Variants in KIF5C observed in about 807,000 individuals in gnomAD.
KIF5C encodes the protein kinesin family member 5C.
A neutral mutation model predicts 125.2 loss-of-function variants in KIF5C; 18 were observed. The observed-to-expected ratio is 0.14, with a 90% CI of 0.10 to 0.21. The LOEUF is 0.21. Ranked by LOEUF, KIF5C falls within the 10% of genes least tolerant of loss-of-function variation. The pLI, the probability that KIF5C is intolerant of heterozygous loss-of-function variation, is 1.00. For missense variants in KIF5C, 780 were observed against 1,183.8 expected (o/e 0.66, Z 5.01); for synonymous variants, 405 against 434.0 (o/e 0.93, Z 0.83).
intron 12 of KIF5C, 148 bp from the exon 13 acceptor site, chr2:148,978,774 C>A: frequency 8.8e-7 from 1 of 1,133,090 alleles, no homozygotes; most frequent in Non-Finnish European, 1.2e-6. Context: ...TGAATGAGAT[C>A]TCGGAATCTG....
At chr2:148,910,033 G>T (rs1177830353) in intron 1 of KIF5C, among the ~76,000 whole-genome samples, 1 of 152,128 alleles carries the variant, frequency 6.6e-6, no homozygotes, top group East Asian at 1.9e-4. Flanking sequence ...TTTAATTTTG[G>T]AGTAAAATTT....
At chr2:149,007,254 G>A (rs1682036654) in intron 22 of KIF5C, among the ~76,000 whole-genome samples, 1 of 152,132 alleles carries the variant, frequency 6.6e-6, no homozygotes, top group Non-Finnish European at 1.5e-5. Flanking sequence ...TGAGAAAAAG[G>A]ATGATGATCT....
intron 1 of KIF5C, among the ~76,000 whole-genome samples, chr2:148,920,213 G>A (rs1334761667): frequency 6.6e-6 from 1 of 152,096 alleles, no homozygotes; most frequent in African/African-American, 2.4e-5. Flanking sequence ...CTTTACTTTG[G>A]TGATTCTCAT....
chr2:148,953,878 A>G (rs1682728070), intron 10 of KIF5C, among the ~76,000 whole-genome samples: 1 of 152,066 alleles, frequency 6.6e-6, no homozygotes, highest in Admixed American at 6.6e-5. Context: ...GTCTATTTCT[A>G]TTTTTGTTTT....
chr2:148,945,922 G>C (rs1325461548), intron 7 of KIF5C, among the ~76,000 whole-genome samples: 18 of 152,168 alleles, frequency 1.2e-4, no homozygotes, highest in Admixed American at 1.2e-3. Context: ...AATACTGACA[G>C]CTTAATGATA....
At chr2:148,948,964 A>G (rs886338606) in intron 8 of KIF5C, among the ~76,000 whole-genome samples, 20 of 152,180 alleles carry the variant, frequency 1.3e-4, no homozygotes, top group Non-Finnish European at 2.5e-4. Flanking sequence ...CTCCCCCTGG[A>G]CATGAATTCA....
intron 1 of KIF5C, chr2:148,886,148 C>A (rs1681519741): frequency 6.6e-6 from 1 of 152,206 alleles, no homozygotes; most frequent in African/African-American, 2.4e-5. Flanking sequence ...CCTCTTGTCC[C>A]ATAGTCAGGG....
intron 4 of KIF5C, among the ~76,000 whole-genome samples, chr2:148,938,950 C>T (rs113055397): frequency 0.013 from 1,950 of 151,828 alleles, 17 homozygotes; most frequent in Middle Eastern, 0.041. Flanking sequence ...AAAAAAGTAG[C>T]CAGGCATGGT....
chr2:149,007,879 A>C (rs1194691703), intron 22 of KIF5C, 84 bp from the exon 23 acceptor site: 1 of 1,134,084 alleles, frequency 8.8e-7, no homozygotes, highest in African/African-American at 1.7e-5. Flanking sequence ...GGGAATGGGG[A>C]TTTTTTTTTT....
At chr2:148,990,970 A>G (rs1362548420) in intron 15 of KIF5C, 40 bp from the exon 16 acceptor site, 1 of 1,584,780 alleles carries the variant, frequency 6.3e-7, no homozygotes, top group Admixed American at 1.7e-5. Flanking sequence ...ACCTATGGAA[A>G]TTGTGGGCAA....
chr2:148,881,407 C>T (rs191474842), intron 1 of KIF5C, among the ~76,000 whole-genome samples: 1 of 152,122 alleles, frequency 6.6e-6, no homozygotes, highest in African/African-American at 2.4e-5. Context: ...TGTATATCTT[C>T]CCATGTAGCT....
intron 15 of KIF5C, among the ~76,000 whole-genome samples, chr2:148,988,176 A>G (rs985941523): frequency 6.6e-6 from 1 of 151,874 alleles, no homozygotes; most frequent in Admixed American, 6.5e-5. Context: ...TTTAAATAAC[A>G]GTGTCCTGAA....
At chr2:148,912,926 G>T (rs895951776) in intron 1 of KIF5C, among the ~76,000 whole-genome samples, 1 of 152,186 alleles carries the variant, frequency 6.6e-6, no homozygotes, top group Non-Finnish European at 1.5e-5. Context: ...GACTATTAAA[G>T]ACCTATTTGG....
intron 8 of KIF5C, among the ~76,000 whole-genome samples, chr2:148,949,548 G>C (rs1430447379): frequency 6.6e-6 from 1 of 152,178 alleles, no homozygotes; most frequent in Non-Finnish European, 1.5e-5. Flanking sequence ...AGCACTTCTG[G>C]AGCCTGGTTT....
intron 6 of KIF5C, 72 bp downstream of exon 6, chr2:148,942,062 A>T (rs1558908213): frequency 6.5e-7 from 1 of 1,532,308 alleles, no homozygotes; most frequent in Non-Finnish European, 8.9e-7. Context: ...ATTACATAAG[A>T]TGTGCAGAAT....
intron 1 of KIF5C, among the ~76,000 whole-genome samples, chr2:148,889,584 T>C (rs369170966): frequency 9.2e-5 from 14 of 152,318 alleles, no homozygotes; most frequent in African/African-American, 2.9e-4. Context: ...TGCTATTGCA[T>C]TGGATGAACT....
intron 1 of KIF5C, among the ~76,000 whole-genome samples, chr2:148,903,642 A>G (rs767024701): frequency 2.0e-5 from 3 of 152,164 alleles, no homozygotes; most frequent in African/African-American, 2.4e-5. Context: ...AGTGTTTTAC[A>G]TATATTGTTA....
At chr2:148,961,923 C>T in intron 10 of KIF5C, 48 bp from the exon 11 acceptor site, 3 of 1,584,240 alleles carry the variant, frequency 1.9e-6, no homozygotes, top group Non-Finnish European at 2.6e-6. Flanking sequence ...ATTGGTTTAG[C>T]TAATGGTAAT....
At chr2:148,875,931 C>A (rs1284841893) in intron 1 of KIF5C, among the ~76,000 whole-genome samples, 188 bp downstream of exon 1, 1 of 137,624 alleles carries the variant, frequency 7.3e-6, no homozygotes, top group African/African-American at 2.6e-5. Flanking sequence ...GGTGGAGAGG[C>A]GGCCGGGAGC....
Sources: gnomAD v4.1 joint callset for allele counts (sites outside exome capture counted in the v4.1 genomes callset) on GRCh38, gnomAD v4.1.1 for gene constraint, MANE v1.5 for transcripts, NCBI Gene and HGNC (gene_info 2026-07-23, HGNC 2026-07-21) for gene names.